Variants in YJU2B observed in about 807,000 individuals in gnomAD.
The protein encoded by YJU2B is YJU2 splicing factor homolog B.
A neutral mutation model predicts 38.0 loss-of-function variants in YJU2B; 18 were observed. That is an observed-to-expected ratio of 0.47 (90% CI 0.33 to 0.70). The LOEUF (loss-of-function observed/expected upper bound fraction) is 0.70. Ranked by LOEUF, YJU2B falls within the 30% of genes least tolerant of loss-of-function variation. YJU2B has a pLI of 0.02. For synonymous variants in YJU2B, 246 were observed against 225.4 expected (o/e 1.09, Z -0.82); for missense variants, 538 against 556.3 (o/e 0.97, Z 0.33).
At position 13,763,018 on chromosome 19, in the gene YJU2B, A is replaced by C; in HGVS notation, c.1141A>C (p.Ser381Arg). 6.3e-7 allele frequency: 1 copy of C among 1,591,662 alleles called. No homozygotes were observed. Among genetic ancestry groups the C allele is most frequent in the African/African-American group, 1.3e-5 (1 of 74,310 alleles). ...CACCCCCGACACGCGGCACCCCTGC[A>C]GTCTCGGCTCCTCCCTCGTGGCGGA... The part of the protein sequence containing the change: ...ADTPDTRHPC[S>R]LGSSLVADYS... The change falls in exon 10 of 10, where the codon AGT becomes CGT. Residue 381 changes from serine (S) to arginine (R), a missense_variant. By Grantham distance (110) the Ser-to-Arg change is moderately radical. Coordinates refer to ENST00000221554, the MANE Select transcript of YJU2B (RefSeq NM_030818.4).
chr19:13,757,373 T>C, intron 4 of YJU2B, 45 bp from the exon 5 acceptor site: 1 of 1,566,738 alleles, frequency 6.4e-7, no homozygotes, highest in Non-Finnish European at 8.8e-7. Flanking sequence ...ACCCAGGGAG[T>C]GTCCAAGTGG....
upstream of YJU2B, among the ~76,000 whole-genome samples, chr19:13,743,428 A>C (rs1973144948): frequency 6.7e-6 from 1 of 149,150 alleles, no homozygotes; most frequent in Non-Finnish European, 1.5e-5. Context: ...AAAAATACAA[A>C]CATTAGCCGG....
In YJU2B at chr19:13,763,020, T is replaced by C. The variant is rs754427210; in HGVS notation, c.1143T>C (p.Ser381=). 3 of 1,588,240 alleles carry C rather than the reference T, an allele frequency of 1.9e-6. No individual in the cohort carries two copies. The highest frequency in any genetic ancestry group is 2.6e-6 in the Non-Finnish European group (3 of 1,166,872). The part of the protein sequence containing the change: ...ADTPDTRHPC[S]LGSSLVADYS... ...CCCCCGACACGCGGCACCCCTGCAG[T>C]CTCGGCTCCTCCCTCGTGGCGGACT... The change falls in exon 10 of 10, where the codon AGT becomes AGC. Residue 381 remains serine, a synonymous_variant. Coordinates refer to ENST00000221554, the MANE Select transcript of YJU2B (RefSeq NM_030818.4).
chr19:13,756,047 C>T lies in YJU2B; in HGVS notation c.58-150C>T, dbSNP rs532016806. 6.0e-6 allele frequency: 4 copies of T among 662,718 alleles called. No individual in the cohort carries two copies. The South Asian group carries it at 6.7e-5, about 11-fold the overall frequency. 41.1% of individuals were successfully genotyped at this position (662,718 alleles called of 1,614,324 possible). ...ATGTTCCAGTAAGACCTGGATGCCC[C>T]CTATTGCTATGAACACCCGTCCTGC... On this transcript the variant is annotated intron_variant, in intron 3 of 9. Transcript: ENST00000221554.
intron 5 of YJU2B, 96 bp from the exon 6 acceptor site, chr19:13,757,690 T>C: frequency 7.5e-7 from 1 of 1,328,046 alleles, no homozygotes; most frequent in Non-Finnish European, 1.1e-6. Context: ...TGGGGAACCC[T>C]CAGCAAGTGA....
intron 6 of YJU2B, among the ~76,000 whole-genome samples, chr19:13,758,308 C>T (rs1162235532): frequency 6.6e-6 from 1 of 152,194 alleles, no homozygotes; most frequent in Non-Finnish European, 1.5e-5. Context: ...TCAAGGTGGG[C>T]CCTGCTGGGA....
chr19:13,740,720 G>A (rs1288258171), intron 2 of YJU2B, among the ~76,000 whole-genome samples: 2 of 152,038 alleles, frequency 1.3e-5, no homozygotes, highest in African/African-American at 4.8e-5. Context: ...TATTTTTAGT[G>A]GAGATGGGGT....
At chr19:13,749,030 T>A (rs564757219) in intron 1 of YJU2B, among the ~76,000 whole-genome samples, 15 of 152,320 alleles carry the variant, frequency 9.8e-5, no homozygotes, top group African/African-American at 3.4e-4. Flanking sequence ...GGAGACAGAA[T>A]CTCACTCTTG....
chr19:13,745,698 T>TAGATAGAG (rs368183752), upstream of YJU2B, among the ~76,000 whole-genome samples: 1 of 126,892 alleles, frequency 7.9e-6, no homozygotes, highest in African/African-American at 3.1e-5. Context: ...TAGATATAGA[T>TAGATAGAG]ATATAGATAT....
Position 13,763,142 on chromosome 19 carries a change from A to T in YJU2B, c.*74A>T. ...CCAGGAGGCCCCTCACAGACTGCAG[A>T]CCCCCGGCTCGCCCACCAGCCCTGG... On this transcript the variant is annotated 3_prime_UTR_variant, in exon 10 of 10. Transcript: ENST00000221554. The T allele has an allele frequency of 3.1e-6, 4 of 1,302,316 alleles. No individual in the cohort carries two copies. The highest frequency in any genetic ancestry group is 2.1e-6 in the Non-Finnish European group (2 of 954,476). The allele number at this position is 1,302,316 out of a possible 1,614,324, so 80.7% of individuals were successfully genotyped here.
chr19:13,753,430 T>C lies in YJU2B; in HGVS notation c.4-859T>C, dbSNP rs180951343. Among the ~76,000 whole-genome samples the C allele has an allele frequency of 3.3e-3, 500 of 152,080 alleles. 4 individuals are homozygous for C. The highest frequency in any genetic ancestry group is 0.011 in the African/African-American group (477 of 41,494). ...GTACTAAAAATACAAAAAAATTAGC[T>C]GGGCGTAGTGGCACATGCCTGTAAT... On this transcript the variant is annotated intron_variant, in intron 2 of 9. Transcript: ENST00000221554.
At chr19:13,753,594 A>G (rs1417155012) in intron 2 of YJU2B, among the ~76,000 whole-genome samples, 3 of 151,056 alleles carry the variant, frequency 2.0e-5, no homozygotes, top group Non-Finnish European at 4.4e-5. Flanking sequence ...AAAAAAAAAA[A>G]AAAAGACATA....
At position 13,762,890 on chromosome 19, in the gene YJU2B, C is replaced by T. The variant is rs200821306; in HGVS notation, c.1013C>T (p.Pro338Leu). 24 of 1,611,406 alleles carry T rather than the reference C, an allele frequency of 1.5e-5. 1 individual carries two copies. Among genetic ancestry groups the T allele is most frequent in the Admixed American group, 5.0e-5 (3 of 59,840 alleles). ...CCCATGTCCCCCGGAGACTGTCCTCCGGAAACAACTGAGACCCCCAAGTGC... is the reference window on the plus strand; with the variant it reads ...CCCATGTCCCCCGGAGACTGTCCTCTGGAAACAACTGAGACCCCCAAGTGC... ...DRPMSPGDCPPETTETPKCSS... is the reference protein window; with the variant it reads ...DRPMSPGDCPLETTETPKCSS... The change falls in exon 10 of 10, where the codon CCG becomes CTG. Residue 338 changes from proline to leucine, a missense_variant. Pro to Leu is a moderately conservative substitution (Grantham distance 98, BLOSUM62 -3). Coordinates refer to ENST00000221554, the MANE Select transcript of YJU2B (RefSeq NM_030818.4).
At chr19:13,760,930 G>T (rs1289372486) in intron 8 of YJU2B, among the ~76,000 whole-genome samples, 1 of 152,042 alleles carries the variant, frequency 6.6e-6, no homozygotes, top group Non-Finnish European at 1.5e-5. Context: ...CACTGTGCAT[G>T]GCTAATTTTT....
At chr19:13,754,765 G>A (rs1425837069) in intron 3 of YJU2B, among the ~76,000 whole-genome samples, 1 of 152,040 alleles carries the variant, frequency 6.6e-6, no homozygotes, top group African/African-American at 2.4e-5. Flanking sequence ...TTGCATTGCT[G>A]AGCACTTTAT....
rs1886787357 is a variant in YJU2B, at chr19:13,756,275, A to G, written c.136A>G (p.Ile46Val). The G allele has an allele frequency of 6.2e-7, 1 of 1,613,594 alleles. No individual in the cohort carries two copies. Among genetic ancestry groups the G allele is most frequent in the Non-Finnish European group, 8.5e-7 (1 of 1,179,768 alleles). The change falls in exon 4 of 10, where the codon ATC (isoleucine) becomes GTC (valine). Residue 46 changes from isoleucine (I) to valine (V), a missense_variant. This residue lies in a region of YJU2B where 50 missense variants were observed against 86.9 expected (regional missense o/e 0.58). Coordinates refer to ENST00000221554, the MANE Select transcript of YJU2B (RefSeq NM_030818.4). ...ARKLSQGILIIRFEMPYNIWC... is the reference protein window; with the variant it reads ...ARKLSQGILIVRFEMPYNIWC... ...GAAGCTGTCACAGGGCATCCTCATC[A>G]TCCGGTAAGGCCCAGCATCACCTGA...
At chr19:13,744,992 C>CAAAA (rs35908579), upstream of YJU2B, among the ~76,000 whole-genome samples, 1 of 130,328 alleles carries the variant, frequency 7.7e-6, no homozygotes. Flanking sequence ...GACTCCGTCT[C>CAAAA]AAAAAAAAAA....
At chr19:13,739,141 C>T (rs965966158) in intron 2 of YJU2B, among the ~76,000 whole-genome samples, 1 of 151,880 alleles carries the variant, frequency 6.6e-6, no homozygotes, top group African/African-American at 2.4e-5. Context: ...TACATATAGC[C>T]CTCCATTGTC....
chr19:13,742,845 G>A (rs1973129043), intron 2 of YJU2B, among the ~76,000 whole-genome samples: 1 of 152,162 alleles, frequency 6.6e-6, no homozygotes. Context: ...AATCCAGATG[G>A]ACTGAGTGAG....
Sources: allele counts gnomAD v4.1 joint callset (sites outside exome capture counted in the v4.1 genomes callset), GRCh38; gene constraint gnomAD v4.1.1; regional missense constraint gnomAD v4.1.1; transcripts MANE v1.5; gene names NCBI Gene and HGNC (gene_info 2026-07-23, HGNC 2026-07-21).